Variants in METTL15 observed in about 807,000 individuals in gnomAD.
METTL15 encodes the protein 12S rRNA N(4)-cytidine methyltransferase METTL15.
Under a neutral mutation model 38.3 loss-of-function variants are expected in METTL15, and 34 were observed. The observed-to-expected ratio is 0.89, with a 90% CI of 0.68 to 1.18. METTL15 has a LOEUF of 1.18. Among genes scored for constraint, METTL15 ranks in the 50% most tolerant of loss-of-function variants. The pLI is 0.00. For synonymous variants in METTL15, 162 were observed against 170.9 expected, an observed-to-expected ratio of 0.95 and a Z score of 0.41; for missense variants, 438 against 498.4, an observed-to-expected ratio of 0.88 and a Z score of 1.15.
chr11:28,124,159 T>G (rs1032829855), intron 3 of METTL15, among the ~76,000 whole-genome samples: 4 of 152,102 alleles, frequency 2.6e-5, no homozygotes, highest in Non-Finnish European at 5.9e-5. Flanking sequence ...ACTTGAATGC[T>G]TCTAGCTAAT....
At chr11:28,429,369 C>CCCTCTG (rs1850892445) in intron 6 of METTL15, among the ~76,000 whole-genome samples, 1 of 133,358 alleles carries the variant, frequency 7.5e-6, no homozygotes, top group Admixed American at 7.6e-5. Flanking sequence ...CTCTCCCTCT[C>CCCTCTG]CCTCTCCCTC....
intron 6 of METTL15, among the ~76,000 whole-genome samples, chr11:28,498,806 C>T (rs1056237832): frequency 1.3e-5 from 2 of 152,208 alleles, no homozygotes; most frequent in African/African-American, 2.4e-5. Flanking sequence ...CTCGTTAATA[C>T]CTAAATGTTG....
intron 6 of METTL15, among the ~76,000 whole-genome samples, chr11:28,456,703 G>A (rs1002411115): frequency 1.3e-5 from 2 of 152,104 alleles, no homozygotes; most frequent in Non-Finnish European, 2.9e-5. Flanking sequence ...GCTTCCCACA[G>A]TGCTGGGATT....
intron 3 of METTL15, among the ~76,000 whole-genome samples, chr11:28,147,743 A>AT (rs1020053177): frequency 6.6e-6 from 1 of 151,748 alleles, no homozygotes; most frequent in African/African-American, 2.4e-5. Context: ...TCTCTTGGAG[A>AT]TTTTCAGTGC....
chr11:28,470,900 C>T (rs1438213504), intron 6 of METTL15, among the ~76,000 whole-genome samples: 1 of 152,074 alleles, frequency 6.6e-6, no homozygotes, highest in African/African-American at 2.4e-5. Context: ...ATAATTTCTT[C>T]TTATTATCTA....
intron 4 of METTL15, among the ~76,000 whole-genome samples, chr11:28,274,395 G>C (rs182063255): frequency 8.8e-4 from 133 of 151,930 alleles, no homozygotes; most frequent in Non-Finnish European, 1.5e-3. Context: ...CAGGAAAAAA[G>C]GTTTGTCATA....
chr11:28,144,451 T>C (rs1023705083), intron 3 of METTL15, among the ~76,000 whole-genome samples: 3 of 152,140 alleles, frequency 2.0e-5, no homozygotes, highest in African/African-American at 4.8e-5. Flanking sequence ...ATAGCTTATA[T>C]AGAGAAATAT....
At chr11:28,154,697 C>T (rs1312724040) in intron 3 of METTL15, among the ~76,000 whole-genome samples, 1 of 152,108 alleles carries the variant, frequency 6.6e-6, no homozygotes, top group Admixed American at 6.6e-5. Flanking sequence ...TAAGAACTCT[C>T]TCATACAAGG....
chr11:28,252,754 G>A (rs151258045), intron 4 of METTL15, among the ~76,000 whole-genome samples: 5 of 151,932 alleles, frequency 3.3e-5, no homozygotes, highest in Non-Finnish European at 5.9e-5. Flanking sequence ...ATATTCCTTT[G>A]CAGCTTGGCT....
chr11:28,184,696 A>T (rs1311901169), intron 3 of METTL15, among the ~76,000 whole-genome samples: 1 of 151,624 alleles, frequency 6.6e-6, no homozygotes, highest in Non-Finnish European at 1.5e-5. Flanking sequence ...AAAAATTATG[A>T]TTGATTAAAG....
At chr11:28,150,124 A>G (rs1221694264) in intron 3 of METTL15, among the ~76,000 whole-genome samples, 1 of 151,838 alleles carries the variant, frequency 6.6e-6, no homozygotes, top group Non-Finnish European at 1.5e-5. Context: ...ATCAGTTCTT[A>G]TCCACTGCAC....
chr11:28,257,323 T>A (rs1855012793), intron 4 of METTL15, among the ~76,000 whole-genome samples: 1 of 152,204 alleles, frequency 6.6e-6, no homozygotes, highest in Admixed American at 6.5e-5. Flanking sequence ...CTTTTTAAAA[T>A]CTTTGTCCTT....
intron 3 of METTL15, among the ~76,000 whole-genome samples, chr11:28,146,022 G>A (rs1259218095): frequency 1.3e-5 from 2 of 151,952 alleles, no homozygotes; most frequent in African/African-American, 4.8e-5. Flanking sequence ...ACACTTTAAT[G>A]TTGGTTATAT....
chr11:28,386,685 A>T (rs943934146), intron 5 of METTL15, among the ~76,000 whole-genome samples: 3 of 151,994 alleles, frequency 2.0e-5, no homozygotes, highest in Non-Finnish European at 4.4e-5. Flanking sequence ...GAAATAGAGG[A>T]TGTGGACAAC....
intron 4 of METTL15, among the ~76,000 whole-genome samples, chr11:28,282,939 CAGAG>C (rs960886127): frequency 4.6e-5 from 7 of 152,114 alleles, no homozygotes; most frequent in African/African-American, 1.7e-4. Context: ...TTAAGTGATC[CAGAG>C]AGAATCATGA....
chr11:28,139,316 T>C (rs1431940135), intron 3 of METTL15, among the ~76,000 whole-genome samples: 2 of 152,064 alleles, frequency 1.3e-5, no homozygotes, highest in East Asian at 1.9e-4. Flanking sequence ...AGACTGAAGA[T>C]GATTGGTTAC....
At chr11:28,149,854 T>C (rs1269884927) in intron 3 of METTL15, among the ~76,000 whole-genome samples, 5 of 151,968 alleles carry the variant, frequency 3.3e-5, no homozygotes, top group Non-Finnish European at 5.9e-5. Context: ...TTTCTCAAAT[T>C]GAGAGTCAAT....
At chr11:28,426,925 T>C (rs1850870973) in intron 6 of METTL15, among the ~76,000 whole-genome samples, 1 of 152,024 alleles carries the variant, frequency 6.6e-6, no homozygotes, top group Admixed American at 6.6e-5. Flanking sequence ...TTTTTCTGTG[T>C]AGAAGCTCTT....
intron 6 of METTL15, among the ~76,000 whole-genome samples, chr11:28,488,789 T>C (rs892671074): frequency 8.5e-5 from 13 of 152,112 alleles, no homozygotes; most frequent in Admixed American, 6.6e-4. Context: ...ATACTTTTTT[T>C]TGTGAACCTT....
Sources: gnomAD v4.1 joint callset for allele counts (sites outside exome capture counted in the v4.1 genomes callset) on GRCh38, gnomAD v4.1.1 for gene constraint, MANE v1.5 for transcripts, NCBI Gene and HGNC (gene_info 2026-07-23, HGNC 2026-07-21) for gene names.